Variants in SCYL2 observed in about 807,000 individuals in gnomAD.
The protein encoded by SCYL2 is SCY1 like pseudokinase 2, also known as SCY1-like protein 2.
In SCYL2, 36 loss-of-function variants were observed where a neutral mutation model predicts 100.4. The observed-to-expected ratio is 0.36, with a 90% CI of 0.27 to 0.47. The LOEUF (loss-of-function observed/expected upper bound fraction) is 0.47, where lower values mean the gene tolerates loss of function less well. SCYL2 is among the 20% of genes least tolerant of loss of function. The pLI, the probability that SCYL2 is intolerant of heterozygous loss-of-function variation, is 1.00. For missense variants in SCYL2, 902 were observed against 1,083.9 expected, an observed-to-expected ratio of 0.83 and a Z score of 2.36; for synonymous variants, 330 against 359.2, an observed-to-expected ratio of 0.92 and a Z score of 0.92.
intron 1 of SCYL2, among the ~76,000 whole-genome samples, chr12:100,279,303 A>G (rs989461165): frequency 1.3e-5 from 2 of 152,202 alleles, no homozygotes; most frequent in Admixed American, 6.5e-5. Flanking sequence ...TTGAGAATCT[A>G]TTGCTGCCAC....
At chr12:100,279,251 A>AG (rs1221007203) in intron 1 of SCYL2, among the ~76,000 whole-genome samples, 1 of 152,248 alleles carries the variant, frequency 6.6e-6, no homozygotes, top group Non-Finnish European at 1.5e-5. Context: ...CACACAACCT[A>AG]GGTCCCTTGC....
At chr12:100,294,007 G>A (rs1415843709) in intron 3 of SCYL2, among the ~76,000 whole-genome samples, 3 of 150,688 alleles carry the variant, frequency 2.0e-5, no homozygotes, top group Non-Finnish European at 4.4e-5. Flanking sequence ...ACAAAGCCGC[G>A]ATTGTCATCC....
At chr12:100,277,110 G>C (rs989346539) in intron 1 of SCYL2, among the ~76,000 whole-genome samples, 3 of 152,110 alleles carry the variant, frequency 2.0e-5, no homozygotes, top group African/African-American at 7.2e-5. Context: ...AGAATCGTTT[G>C]TATTATTTCA....
chr12:100,335,249 C>T (rs1442142630), intron 14 of SCYL2, among the ~76,000 whole-genome samples: 1 of 152,074 alleles, frequency 6.6e-6, no homozygotes, highest in Non-Finnish European at 1.5e-5. Flanking sequence ...ATCTGGCTCA[C>T]ATAACAGTGA....
intron 4 of SCYL2, among the ~76,000 whole-genome samples, chr12:100,301,207 G>C (rs937417444): frequency 1.3e-5 from 2 of 152,158 alleles, no homozygotes; most frequent in Non-Finnish European, 2.9e-5. Context: ...TGGGTGAGTT[G>C]ATATCTCATT....
chr12:100,302,919 G>C (rs1182873249), intron 4 of SCYL2, among the ~76,000 whole-genome samples: 2 of 152,018 alleles, frequency 1.3e-5, no homozygotes, highest in African/African-American at 2.4e-5. Context: ...TTTTCACATA[G>C]TCCCATATTT....
In SCYL2 at chr12:100,312,613, A is replaced by G; in HGVS notation, c.812A>G (p.Lys271Arg). 2 of 1,612,974 alleles carry G rather than the reference A, an allele frequency of 1.2e-6. No homozygotes were observed. Among genetic ancestry groups the G allele is most frequent in the Middle Eastern group, 1.7e-4 (1 of 6,056 alleles). ...GGGAAACCTATATTTGAAGTCAACA[A>G]GCAAGATATTTACAAGAGTTTCAGT... ...NKGKPIFEVN[K>R]QDIYKSFSRQ... The change falls in exon 6 of 18, where the codon AAG (lysine) becomes AGG (arginine). Residue 271 changes from lysine to arginine, a missense_variant. Transcript: ENST00000360820.
In SCYL2 at chr12:100,288,682, A is replaced by T. The variant is rs551878449; in HGVS notation, c.178-2821A>T. Among the ~76,000 whole-genome samples the T allele has an allele frequency of 1.4e-3, 217 of 151,956 alleles. 1 individual carries two copies. The highest frequency in any genetic ancestry group is 5.0e-3 in the African/African-American group (207 of 41,450). On this transcript the variant is annotated intron_variant, in intron 2 of 17. Transcript: ENST00000360820. ...GAGACCTCGTCTCTACAAAAAAATT[A>T]AAAAATTTGCTGGGCATGGTGGTGT...
intron 4 of SCYL2, among the ~76,000 whole-genome samples, chr12:100,304,095 A>C (rs2096331043): frequency 2.0e-5 from 3 of 151,922 alleles, no homozygotes. Context: ...GTAATGGCAG[A>C]CGCCTCTCCC....
chr12:100,275,951 T>G (rs1452484765), intron 1 of SCYL2, among the ~76,000 whole-genome samples: 1 of 152,240 alleles, frequency 6.6e-6, no homozygotes, highest in Non-Finnish European at 1.5e-5. Context: ...TTTTTCATTA[T>G]TCAGTTAATG....
At chr12:100,308,256 G>T (rs983954423) in intron 4 of SCYL2, among the ~76,000 whole-genome samples, 4 of 152,160 alleles carry the variant, frequency 2.6e-5, no homozygotes, top group Non-Finnish European at 5.9e-5. Context: ...ATCAATGATA[G>T]ATTGGATAAA....
At chr12:100,320,232 C>T (rs1002556111) in intron 10 of SCYL2, among the ~76,000 whole-genome samples, 1 of 152,102 alleles carries the variant, frequency 6.6e-6, no homozygotes, top group Non-Finnish European at 1.5e-5. Context: ...AATAGTTCCT[C>T]ATCCCGGCTG....
intron 2 of SCYL2, among the ~76,000 whole-genome samples, chr12:100,285,685 TAGAATTTATA>T (rs749288476): frequency 1.4e-4 from 21 of 152,234 alleles, no homozygotes; most frequent in Non-Finnish European, 2.4e-4. Flanking sequence ...AATTCAAACA[TAGAATTTATA>T]CCATTATATT....
At chr12:100,324,278 A>T (rs915206460) in intron 11 of SCYL2, among the ~76,000 whole-genome samples, 6 of 152,186 alleles carry the variant, frequency 3.9e-5, no homozygotes, top group Non-Finnish European at 8.8e-5. Context: ...TTTCTCTAAC[A>T]CTAAATATAA....
At chr12:100,332,080 T>C (rs1296653764) in intron 13 of SCYL2, among the ~76,000 whole-genome samples, 1 of 152,184 alleles carries the variant, frequency 6.6e-6, no homozygotes, top group Non-Finnish European at 1.5e-5. Context: ...AAAAGGTTCA[T>C]AGGACAAAGT....
intron 9 of SCYL2, among the ~76,000 whole-genome samples, chr12:100,317,065 C>T (rs2096349691): frequency 6.7e-6 from 1 of 150,288 alleles, no homozygotes; most frequent in Non-Finnish European, 1.5e-5. Flanking sequence ...CACTGCGCTC[C>T]AGCCTGGGTG....
Position 100,334,181 on chromosome 12 carries a change from T to A in SCYL2, c.1777T>A (p.Ser593Thr). The change falls in exon 14 of 18, where the codon TCC becomes ACC. Residue 593 changes from serine to threonine, a missense_variant. By Grantham distance (58) the Ser-to-Thr change is moderately conservative (BLOSUM62 1). Transcript: ENST00000360820. ...LNLNQFNSFI[S>T]VIKEMLNRLE... ...ATTATACCAGTTCAATTCTTTCATTTCCGTCATAAAAGAAATGCTTAATAG... is the reference window on the plus strand; with the variant it reads ...ATTATACCAGTTCAATTCTTTCATTACCGTCATAAAAGAAATGCTTAATAG... The A allele has an allele frequency of 1.3e-6, 2 of 1,594,808 alleles. No individual in the cohort carries two copies. Among genetic ancestry groups the A allele is most frequent in the South Asian group, 1.1e-5 (1 of 90,612 alleles).
intron 11 of SCYL2, among the ~76,000 whole-genome samples, chr12:100,324,243 T>G (rs577455486): frequency 3.3e-4 from 51 of 152,298 alleles, no homozygotes; most frequent in African/African-American, 1.1e-3. Flanking sequence ...TATCTCATAT[T>G]GAAAGCAATA....
chr12:100,326,035 C>G (rs1033712782), intron 11 of SCYL2, among the ~76,000 whole-genome samples: 2 of 151,918 alleles, frequency 1.3e-5, no homozygotes, highest in African/African-American at 4.8e-5. Flanking sequence ...GATATTCTAT[C>G]TTAAGAAATT....
Sources: allele counts gnomAD v4.1 joint callset (sites outside exome capture counted in the v4.1 genomes callset), GRCh38; gene constraint gnomAD v4.1.1; transcripts MANE v1.5; gene names NCBI Gene and HGNC (gene_info 2026-07-23, HGNC 2026-07-21).